SPATA6: variants seen among roughly 807,000 people sequenced by gnomAD.
The protein encoded by SPATA6 is spermatogenesis associated 6.
In SPATA6, 56 loss-of-function variants were observed where a neutral mutation model predicts 65.3. That is an observed-to-expected ratio of 0.86 (90% CI 0.69 to 1.07). The LOEUF (loss-of-function observed/expected upper bound fraction) is 1.07. Ranked by LOEUF, SPATA6 falls within the 50% of genes least tolerant of loss-of-function variation. The pLI is 0.00. For missense variants in SPATA6, 590 were observed against 594.8 expected, an observed-to-expected ratio of 0.99 and a Z score of 0.08; for synonymous variants, 199 against 213.2, an observed-to-expected ratio of 0.93 and a Z score of 0.58.
At chr1:48,404,658 A>T (rs933055765) in intron 5 of SPATA6, among the ~76,000 whole-genome samples, 3 of 146,820 alleles carry the variant, frequency 2.0e-5, no homozygotes, top group Admixed American at 6.8e-5. Context: ...ATTAAAATTT[A>T]AAAAAAACAA....
At chr1:48,400,528 T>C (rs1651066903) in intron 6 of SPATA6, among the ~76,000 whole-genome samples, 1 of 151,996 alleles carries the variant, frequency 6.6e-6, no homozygotes, top group African/African-American at 2.4e-5. Flanking sequence ...GAAAATGGAC[T>C]GCGGAGAATT....
intron 9 of SPATA6, among the ~76,000 whole-genome samples, chr1:48,369,534 T>C (rs1030117284): frequency 1.3e-5 from 2 of 152,180 alleles, no homozygotes; most frequent in Non-Finnish European, 2.9e-5. Context: ...CTCAGACTGC[T>C]GTGCTAGCAA....
At chr1:48,361,933 T>C (rs976481353) in intron 9 of SPATA6, among the ~76,000 whole-genome samples, 1 of 152,142 alleles carries the variant, frequency 6.6e-6, no homozygotes, top group South Asian at 2.1e-4. Flanking sequence ...ATAGTTCAAA[T>C]GACACAGTTA....
At chr1:48,457,092 T>C (rs1343547870) in intron 1 of SPATA6, among the ~76,000 whole-genome samples, 1 of 151,506 alleles carries the variant, frequency 6.6e-6, no homozygotes, top group African/African-American at 2.4e-5. Flanking sequence ...TAAAACTTTT[T>C]AAAAGATCAC....
intron 3 of SPATA6, among the ~76,000 whole-genome samples, chr1:48,420,848 T>C (rs1305006261): frequency 6.6e-6 from 1 of 152,174 alleles, no homozygotes; most frequent in Non-Finnish European, 1.5e-5. Context: ...CAGAATACTA[T>C]TGAGCCATGA....
intron 9 of SPATA6, among the ~76,000 whole-genome samples, chr1:48,376,528 T>TA (rs529011057): frequency 0.013 from 1,764 of 140,970 alleles, 31 homozygotes; most frequent in South Asian, 0.055. Flanking sequence ...TCCTGGAATT[T>TA]AAAAAAAAAA....
intron 9 of SPATA6, among the ~76,000 whole-genome samples, chr1:48,364,811 C>A (rs1646943449): frequency 6.6e-6 from 1 of 152,192 alleles, no homozygotes; most frequent in Non-Finnish European, 1.5e-5. Context: ...AATTAGATTC[C>A]ATTTGTCAAT....
chr1:48,416,443 G>A (rs910124655), intron 3 of SPATA6, among the ~76,000 whole-genome samples: 4 of 151,902 alleles, frequency 2.6e-5, no homozygotes, highest in Non-Finnish European at 5.9e-5. Context: ...TAACATATAG[G>A]AAAAAGTGAA....
chr1:48,422,641 C>G (rs926850556), intron 3 of SPATA6, among the ~76,000 whole-genome samples: 1 of 152,090 alleles, frequency 6.6e-6, no homozygotes, highest in Non-Finnish European at 1.5e-5. Context: ...CTACTAGCAA[C>G]CTACTATAAA....
chr1:48,309,303 G>A (rs934349978), intron 11 of SPATA6, among the ~76,000 whole-genome samples: 1 of 151,616 alleles, frequency 6.6e-6, no homozygotes, highest in African/African-American at 2.4e-5. Context: ...TCTTCTTTCT[G>A]TTCCTCACAC....
the SPATA6 span, among the ~76,000 whole-genome samples, chr1:48,274,684 G>A: frequency 2.0e-5 from 3 of 152,100 alleles, no homozygotes; most frequent in East Asian, 5.8e-4. Flanking sequence ...CCTCTGTTCT[G>A]TTCCATTGGT....
chr1:48,346,381 G>A (rs1646366147), intron 11 of SPATA6, among the ~76,000 whole-genome samples: 1 of 151,958 alleles, frequency 6.6e-6, no homozygotes, highest in Admixed American at 6.6e-5. Flanking sequence ...TACTGAATGG[G>A]GAAAAGCTAG....
chr1:48,446,655 G>A (rs952299034), intron 3 of SPATA6, among the ~76,000 whole-genome samples: 12 of 152,092 alleles, frequency 7.9e-5, no homozygotes, highest in Non-Finnish European at 1.8e-4. Context: ...GCAATAAATT[G>A]ATAACCATCA....
At chr1:48,381,375 T>C (rs540138937) in intron 9 of SPATA6, among the ~76,000 whole-genome samples, 3 of 152,184 alleles carry the variant, frequency 2.0e-5, no homozygotes, top group African/African-American at 4.8e-5. Context: ...GTCTCCATAC[T>C]CAGCAATTTC....
chr1:48,448,879 G>A (rs936842864), intron 3 of SPATA6, among the ~76,000 whole-genome samples: 1 of 152,190 alleles, frequency 6.6e-6, no homozygotes, highest in African/African-American at 2.4e-5. Context: ...GGACTGGGAG[G>A]TGGGCACAGG....
intron 11 of SPATA6, among the ~76,000 whole-genome samples, chr1:48,332,012 T>A (rs1410706386): frequency 6.6e-6 from 1 of 152,140 alleles, no homozygotes; most frequent in Non-Finnish European, 1.5e-5. Flanking sequence ...CATTTTCAAT[T>A]TGATCCTATT....
chr1:48,427,434 C>CAAAAAAAAAAAAAAAAAAAA (rs760835892), intron 3 of SPATA6, among the ~76,000 whole-genome samples: 1 of 67,610 alleles, frequency 1.5e-5, no homozygotes, highest in African/African-American at 5.1e-5. Flanking sequence ...AAAATTGAGG[C>CAAAAAAAAAAAAAAAAAAAA]AAAAAAAAAA....
intron 1 of SPATA6, among the ~76,000 whole-genome samples, chr1:48,458,785 A>C (rs1570639799): frequency 6.6e-6 from 1 of 152,196 alleles, no homozygotes; most frequent in Non-Finnish European, 1.5e-5. Flanking sequence ...TGGGAGAGGG[A>C]TAATAGGGAA....
downstream of SPATA6, among the ~76,000 whole-genome samples, chr1:48,292,371 C>T (rs1367494170): frequency 1.3e-5 from 2 of 152,198 alleles, no homozygotes; most frequent in Non-Finnish European, 2.9e-5. Flanking sequence ...ACTATGTTGT[C>T]CTCAGCTGTG....
Sources: gnomAD v4.1 joint callset for allele counts (sites outside exome capture counted in the v4.1 genomes callset) on GRCh38, gnomAD v4.1.1 for gene constraint, MANE v1.5 for transcripts, NCBI Gene and HGNC (gene_info 2026-07-23, HGNC 2026-07-21) for gene names.